OSBP2: variants seen among roughly 807,000 people sequenced by gnomAD.
The protein encoded by OSBP2 is oxysterol binding protein 2, also known as oxysterol-binding protein 2.
In OSBP2, 66 loss-of-function variants were observed where a neutral mutation model predicts 96.0. That is an observed-to-expected ratio of 0.69 (90% CI 0.56 to 0.84). The LOEUF (loss-of-function observed/expected upper bound fraction) is 0.84, where lower values mean the gene tolerates loss of function less well. Ranked by LOEUF, OSBP2 falls within the 40% of genes least tolerant of loss-of-function variation. The pLI is 0.00. For missense variants in OSBP2, 1,038 were observed against 1,222.7 expected (o/e 0.85, Z 2.25); for synonymous variants, 525 against 520.9 (o/e 1.01, Z -0.11).
chr22:30,804,783 C>A (rs1002533922), intron 2 of OSBP2, among the ~76,000 whole-genome samples: 1 of 152,128 alleles, frequency 6.6e-6, no homozygotes, highest in Non-Finnish European at 1.5e-5. Flanking sequence ...GAATGAACGT[C>A]TTTAGAGAAT....
chr22:30,705,706 CAAG>C (rs1175997931), intron 1 of OSBP2, among the ~76,000 whole-genome samples: 1 of 152,132 alleles, frequency 6.6e-6, no homozygotes, highest in Non-Finnish European at 1.5e-5. Flanking sequence ...TGGGGCCTGA[CAAG>C]AAGTCTGAAA....
At chr22:30,850,927 T>G (rs549662475) in intron 2 of OSBP2, among the ~76,000 whole-genome samples, 1 of 152,378 alleles carries the variant, frequency 6.6e-6, no homozygotes, top group South Asian at 2.1e-4. Flanking sequence ...TATTTAAGTT[T>G]CCAATCCATG....
intron 2 of OSBP2, among the ~76,000 whole-genome samples, chr22:30,799,007 C>CT (rs1405278412): frequency 7.1e-6 from 1 of 140,666 alleles, no homozygotes; most frequent in Non-Finnish European, 1.6e-5. Context: ...GAGTGAGACT[C>CT]TGTCTCAAAA....
chr22:30,845,742 T>G (rs2038855338), intron 2 of OSBP2, among the ~76,000 whole-genome samples: 1 of 151,414 alleles, frequency 6.6e-6, no homozygotes. Flanking sequence ...ATTAGCCAGG[T>G]GTGGTGGCAC....
chr22:30,807,197 C>T (rs2090940100), intron 2 of OSBP2, among the ~76,000 whole-genome samples: 1 of 152,088 alleles, frequency 6.6e-6, no homozygotes, highest in African/African-American at 2.4e-5. Flanking sequence ...AGTTACTGGC[C>T]CCATCTCTCC....
chr22:30,881,877 G>C lies in OSBP2; in HGVS notation c.1108-5549G>C, dbSNP rs1569163942. ...GGTGACCAGGCAGCTCATGTGCTGTGGGGGTAAAGGTCTTGGGTGCAGCCA... is the reference window on the plus strand; with the variant it reads ...GGTGACCAGGCAGCTCATGTGCTGTCGGGGTAAAGGTCTTGGGTGCAGCCA... On this transcript the variant is annotated intron_variant, in intron 3 of 13. Transcript: ENST00000332585. This position sits in a 1 kb window ranked among gnomAD's most constrained non-coding sequence, Gnocchi z 4.5. 1.4e-5 allele frequency: 17 copies of C among 1,246,836 alleles called. No homozygotes were observed. Among genetic ancestry groups the C allele is most frequent in the Admixed American group, 7.0e-5 (3 of 42,742 alleles). The allele number at this position is 1,246,836 out of a possible 1,614,324, so 77.2% of individuals were successfully genotyped here.
At chr22:30,891,030 C>T in intron 8 of OSBP2, 57 bp downstream of exon 8, 3 of 1,563,924 alleles carry the variant, frequency 1.9e-6, no homozygotes, top group Non-Finnish European at 8.6e-7. Context: ...CCAAGCTGTT[C>T]CTGCCAGGCC....
chr22:30,763,867 T>C (rs1266417989), intron 2 of OSBP2, among the ~76,000 whole-genome samples: 1 of 152,122 alleles, frequency 6.6e-6, no homozygotes, highest in Non-Finnish European at 1.5e-5. Context: ...GGGTCTCTGC[T>C]CCCAACTCCC....
At chr22:30,788,386 A>C (rs1220754372) in intron 2 of OSBP2, among the ~76,000 whole-genome samples, 2 of 152,198 alleles carry the variant, frequency 1.3e-5, no homozygotes, top group East Asian at 3.9e-4. Flanking sequence ...AGGAGAATCC[A>C]GCAGTAGAGA....
chr22:30,840,879 C>T (rs867117749), intron 2 of OSBP2, among the ~76,000 whole-genome samples: 3 of 151,546 alleles, frequency 2.0e-5, no homozygotes, highest in South Asian at 2.1e-4. Context: ...AAGTGTACAA[C>T]GTGGGCTAGG....
intron 1 of OSBP2, among the ~76,000 whole-genome samples, chr22:30,722,706 T>G (rs933983663): frequency 6.6e-6 from 1 of 151,434 alleles, no homozygotes; most frequent in African/African-American, 2.4e-5. Context: ...TTTTCTTTCT[T>G]TCTCTTTTTT....
chr22:30,872,060 T>C (rs2039470045), intron 3 of OSBP2, among the ~76,000 whole-genome samples: 1 of 152,158 alleles, frequency 6.6e-6, no homozygotes, highest in Admixed American at 6.5e-5. Context: ...ACCTTGTCCA[T>C]CCCAGATCCC....
intron 2 of OSBP2, among the ~76,000 whole-genome samples, chr22:30,823,196 C>G (rs1430754434): frequency 6.6e-6 from 1 of 152,178 alleles, no homozygotes; most frequent in Non-Finnish European, 1.5e-5. Flanking sequence ...TTGAGCAACC[C>G]TCCCTCCCCG....
intron 2 of OSBP2, among the ~76,000 whole-genome samples, chr22:30,801,842 T>C (rs749910689): frequency 6.6e-6 from 1 of 152,094 alleles, no homozygotes; most frequent in Non-Finnish European, 1.5e-5. Context: ...CTAGATATGG[T>C]GGTGCACACT....
At chr22:30,862,865 C>T (rs577153775) in intron 2 of OSBP2, among the ~76,000 whole-genome samples, 26 of 129,554 alleles carry the variant, frequency 2.0e-4, no homozygotes, top group African/African-American at 6.5e-4. Context: ...CCCAGCTACT[C>T]GGGAGGCTGA....
intron 2 of OSBP2, among the ~76,000 whole-genome samples, chr22:30,859,384 G>A (rs1215564401): frequency 6.6e-6 from 1 of 152,242 alleles, no homozygotes; most frequent in Non-Finnish European, 1.5e-5. Context: ...TGCTCACATA[G>A]GTGGGTCTCT....
intron 2 of OSBP2, among the ~76,000 whole-genome samples, chr22:30,757,264 C>A (rs943218651): frequency 1.3e-5 from 2 of 152,166 alleles, no homozygotes; most frequent in Admixed American, 6.5e-5. Context: ...AGCCCCTCAG[C>A]TCTCTGCCAT....
intron 2 of OSBP2, among the ~76,000 whole-genome samples, chr22:30,765,867 A>G (rs1025350280): frequency 1.3e-5 from 2 of 152,170 alleles, no homozygotes; most frequent in African/African-American, 4.8e-5. Context: ...CCCTTTCTTC[A>G]TCAGAGACTT....
In OSBP2 at chr22:30,893,621, C is replaced by T. The variant is rs567186317; in HGVS notation, c.2095-17C>T. On this transcript the variant is annotated splice_polypyrimidine_tract_variant and intron_variant, in intron 10 of 13. Coordinates refer to ENST00000332585, the MANE Select transcript of OSBP2 (RefSeq NM_030758.4). Reference sequence around the variant, plus strand: ...TGGCCCGGGGGCTGGCCGCTGACCACTGCCCTCCTTCGCCAGTCAGGGGAC... The same window carrying T: ...TGGCCCGGGGGCTGGCCGCTGACCATTGCCCTCCTTCGCCAGTCAGGGGAC... The T allele has an allele frequency of 2.1e-5, 34 of 1,613,760 alleles. No individual in the cohort carries two copies. The African/African-American group carries it at 4.1e-4, about 20-fold the overall frequency.
Sources: allele counts gnomAD v4.1 joint callset (sites outside exome capture counted in the v4.1 genomes callset), GRCh38; gene constraint gnomAD v4.1.1; non-coding constraint Gnocchi (gnomAD v3.1); transcripts MANE v1.5; gene names NCBI Gene and HGNC (gene_info 2026-07-23, HGNC 2026-07-21).